Variants in DOCK10 observed in about 807,000 individuals in gnomAD.
The protein encoded by DOCK10 is dedicator of cytokinesis protein 10.
DOCK10 carries 145 observed loss-of-function variants against 280.1 expected under a neutral mutation model. That is an observed-to-expected ratio of 0.52 (90% CI 0.45 to 0.59). The LOEUF is 0.59. Among genes scored for constraint, DOCK10 ranks in the 20% least tolerant of loss-of-function variants. DOCK10 has a pLI of 0.00. For synonymous variants in DOCK10, 915 were observed against 942.2 expected (o/e 0.97, Z 0.53); for missense variants, 2,368 against 2,651.7 (o/e 0.89, Z 2.35).
At chr2:224,891,249 T>C (rs866188599) in intron 4 of DOCK10, among the ~76,000 whole-genome samples, 1 of 152,232 alleles carries the variant, frequency 6.6e-6, no homozygotes, top group African/African-American at 2.4e-5. Flanking sequence ...TTTAAAGTGA[T>C]GTGTGAAAAA....
chr2:224,936,514 C>T (rs1284595375), intron 1 of DOCK10, among the ~76,000 whole-genome samples: 1 of 152,058 alleles, frequency 6.6e-6, no homozygotes, highest in Non-Finnish European at 1.5e-5. Flanking sequence ...AGTAAATCAT[C>T]ATGGGTAAGA....
At chr2:224,798,987 G>A (rs1372116925) in intron 41 of DOCK10, among the ~76,000 whole-genome samples, 1 of 152,070 alleles carries the variant, frequency 6.6e-6, no homozygotes, top group Non-Finnish European at 1.5e-5. Flanking sequence ...TGGTAGAGCT[G>A]CAAATGTTTT....
At chr2:224,903,550 T>C (rs1019524656) in intron 3 of DOCK10, among the ~76,000 whole-genome samples, 4 of 152,202 alleles carry the variant, frequency 2.6e-5, no homozygotes, top group Non-Finnish European at 5.9e-5. Context: ...GAACATGCAC[T>C]GTAATTTCCC....
intron 11 of DOCK10, among the ~76,000 whole-genome samples, chr2:224,868,785 G>T (rs1698085070): frequency 6.6e-6 from 1 of 152,014 alleles, no homozygotes; most frequent in Non-Finnish European, 1.5e-5. Flanking sequence ...AATTAATACA[G>T]AAAAACTCTT....
At chr2:224,942,960 C>A (rs1703178673) in intron 1 of DOCK10, among the ~76,000 whole-genome samples, 1 of 152,054 alleles carries the variant, frequency 6.6e-6, no homozygotes, top group South Asian at 2.1e-4. Context: ...CAACTTAAGT[C>A]TGTTTTTAAT....
intron 48 of DOCK10, among the ~76,000 whole-genome samples, chr2:224,788,316 T>C (rs998034094): frequency 2.0e-5 from 3 of 152,216 alleles, no homozygotes. Context: ...AATAAAGTTA[T>C]ATAAGCTTTA....
chr2:224,909,658 C>T (rs974759441), intron 3 of DOCK10, among the ~76,000 whole-genome samples: 4 of 152,100 alleles, frequency 2.6e-5, no homozygotes, highest in South Asian at 2.1e-4. Flanking sequence ...TGAACTTGGG[C>T]GAGTTCATTA....
chr2:224,915,700 T>G (rs1038517867), intron 3 of DOCK10, among the ~76,000 whole-genome samples: 2 of 152,218 alleles, frequency 1.3e-5, no homozygotes, highest in African/African-American at 4.8e-5. Flanking sequence ...TCCACTACTT[T>G]CAGTTTGACC....
rs1695162112 is a variant in DOCK10 at position 224,830,613 on chromosome 2, C to T, written c.2965-1G>A. On this transcript the variant is annotated splice_acceptor_variant, in intron 26 of 55. Transcript: ENST00000258390. LOFTEE classifies it high-confidence loss of function. ...TAATTGCAAAGAAGAACCAGGAATG[C>T]TGTTGGGAAAAAAAAGGCAACGAGA... is the stretch of plus-strand genomic sequence containing the variant. 1 of 1,511,690 alleles carries T rather than the reference C, an allele frequency of 6.6e-7. No homozygotes were observed. The highest frequency in any genetic ancestry group is 1.9e-5 in the Admixed American group (1 of 53,674). 93.6% of individuals were successfully genotyped at this position (1,511,690 alleles called of 1,614,324 possible). A position where few individuals can be genotyped will look rare whatever the true frequency, so the allele number is the denominator to read the frequency against.
intron 7 of DOCK10, among the ~76,000 whole-genome samples, chr2:224,880,994 T>C (rs972295156): frequency 6.6e-6 from 1 of 152,230 alleles, no homozygotes; most frequent in Non-Finnish European, 1.5e-5. Context: ...GTACCTCCTA[T>C]GTTTCAGTCA....
At chr2:224,857,050 T>C (rs1265632618) in intron 14 of DOCK10, 68 bp from the exon 15 acceptor site, 6 of 1,277,312 alleles carry the variant, frequency 4.7e-6, no homozygotes, top group Non-Finnish European at 6.2e-6. Context: ...TTAACGTGAC[T>C]ATATTAATTA....
At chr2:224,894,638 C>T (rs1351872515) in intron 4 of DOCK10, among the ~76,000 whole-genome samples, 1 of 152,196 alleles carries the variant, frequency 6.6e-6, no homozygotes, top group Non-Finnish European at 1.5e-5. Context: ...ACCTTCCCAA[C>T]ATGAAGTTGC....
In DOCK10 at chr2:224,765,810, G is replaced by T. The variant is rs774357482; in HGVS notation, c.6472C>A (p.Arg2158Ser). 11 of 1,613,706 alleles carry T rather than the reference G, an allele frequency of 6.8e-6. No homozygotes were observed. The highest frequency in any genetic ancestry group is 1.6e-4 in the Middle Eastern group (1 of 6,062). ...QITGRDDLSK[R>S]GVDQTCTRVI... is the part of the protein sequence containing the mutation. ...CGAGTGCAGGTTTGGTCCACTCCGC[G>T]CTTTGACAGGTCGTCCCTGCCCGTA... The change falls in exon 56 of 56, where the codon CGC becomes AGC. Residue 2158 changes from arginine (R) to serine (S), a missense_variant. Physicochemically the swap from Arg to Ser is moderately radical, Grantham distance 110. Transcript: ENST00000258390.
At chr2:224,839,881 G>A (rs764675945) in intron 24 of DOCK10, 73 bp downstream of exon 24, 1 of 631,464 alleles carries the variant, frequency 1.6e-6, no homozygotes, top group Admixed American at 3.1e-5. Context: ...GTAGATGACT[G>A]TTTAGTTATA....
At position 224,864,554 on chromosome 2, in the gene DOCK10, T is replaced by G; in HGVS notation, c.1601A>C (p.Lys534Thr). Residue 534 changes from lysine to threonine, a missense_variant and splice_region_variant, in exon 13 of 56, where the codon AAG (lysine) becomes ACG (threonine). Physicochemically the swap from Lys to Thr is moderately conservative, Grantham distance 78. Coordinates refer to ENST00000258390, the MANE Select transcript of DOCK10 (RefSeq NM_014689.3). ...GTTATTTATAAGATTATACATTACC[T>G]TGTTGGAGTCTGGGTTCTTAATATA... The part of the protein sequence containing the change: ...EPYIKNPDSN[K>T]YAQKILKSNR... The G allele has an allele frequency of 1.3e-6, 2 of 1,589,512 alleles. No individual in the cohort carries two copies. The highest frequency in any genetic ancestry group is 1.7e-6 in the Non-Finnish European group (2 of 1,172,770).
At position 224,903,084 on chromosome 2, in the gene DOCK10, C is replaced by T. The variant is rs185834824; in HGVS notation, c.334-6707G>A. On this transcript the variant is annotated intron_variant, in intron 3 of 55. Coordinates refer to ENST00000258390, the MANE Select transcript of DOCK10 (RefSeq NM_014689.3). Reference sequence around the variant, plus strand: ...CTGCTCTCCAGCCTGGGCGACAGAGCGAGACTCCGTCTCAAAAAACCAAAA... The same window carrying T: ...CTGCTCTCCAGCCTGGGCGACAGAGTGAGACTCCGTCTCAAAAAACCAAAA... Among the ~76,000 whole-genome samples, 1,400 of 152,208 alleles carry T rather than the reference C, an allele frequency of 9.2e-3. 16 individuals are homozygous for T. Among genetic ancestry groups the T allele is most frequent in the African/African-American group, 0.031 (1,273 of 41,526 alleles).
chr2:225,033,402 C>T (rs936160194), intron 1 of DOCK10, among the ~76,000 whole-genome samples: 2 of 152,014 alleles, frequency 1.3e-5, no homozygotes, highest in Non-Finnish European at 2.9e-5. Context: ...AGGCTGGTCT[C>T]GAACTCCTGA....
rs1366029198 is a variant in DOCK10 at position 224,805,363 on chromosome 2, A to G, written c.3937-43T>C. ...AATCAGGATTGAGTGAGAGTGAGTG[A>G]CCTCTGCCTTGTAATGATCAGTAGG... On this transcript the variant is annotated intron_variant, in intron 35 of 55. Coordinates refer to ENST00000258390, the MANE Select transcript of DOCK10 (RefSeq NM_014689.3). This position sits in a 1 kb window ranked among gnomAD's most constrained non-coding sequence, Gnocchi z 4.3. 2 of 1,612,670 alleles carry G rather than the reference A, an allele frequency of 1.2e-6. No homozygotes were observed. The highest frequency in any genetic ancestry group is 4.5e-5 in the East Asian group (2 of 44,830).
chr2:224,796,884 T>C, intron 43 of DOCK10, 80 bp downstream of exon 43: 1 of 1,352,202 alleles, frequency 7.4e-7, no homozygotes, highest in Non-Finnish European at 1.0e-6. Context: ...CGGCTTGCCC[T>C]GAGGACAGTA....
Sources: gnomAD v4.1 joint callset for allele counts (sites outside exome capture counted in the v4.1 genomes callset) on GRCh38, gnomAD v4.1.1 for gene constraint, Gnocchi (gnomAD v3.1) non-coding constraint, MANE v1.5 for transcripts, NCBI Gene and HGNC (gene_info 2026-07-23, HGNC 2026-07-21) for gene names.